Variants in ITPRID1 observed in about 807,000 individuals in gnomAD.
The protein encoded by ITPRID1 is ITPR interacting domain containing 1.
ITPRID1 carries 96 observed loss-of-function variants against 95.4 expected under a neutral mutation model. The ratio of observed to expected loss-of-function variants is 1.01; its 90% CI spans 0.85 to 1.19. ITPRID1 has a LOEUF of 1.19. ITPRID1 is among the 50% of genes most tolerant of loss of function. The pLI is 0.00. For synonymous variants in ITPRID1, 510 were observed against 453.6 expected (o/e 1.12, Z -1.58); for missense variants, 1,339 against 1,252.9 (o/e 1.07, Z -1.04).
rs35455387 is a variant in ITPRID1 at position 31,617,951 on chromosome 7, G to C, written c.1229-24225G>C. Among the ~76,000 whole-genome samples the C allele has an allele frequency of 6.3e-3, 954 of 152,312 alleles. 11 individuals are homozygous for C. Among genetic ancestry groups the C allele is most frequent in the Middle Eastern group, 0.037 (11 of 294 alleles). On this transcript the variant is annotated intron_variant, in intron 10 of 14. Transcript: ENST00000615280. Reference sequence around the variant, plus strand: ...CTATTTGTAGTAAAGAAAATGGTAGGAAATGCATTTTAGAAGCACACATAT... The same window carrying C: ...CTATTTGTAGTAAAGAAAATGGTAGCAAATGCATTTTAGAAGCACACATAT...
At chr7:31,598,183 A>C (rs527653820) in intron 10 of ITPRID1, among the ~76,000 whole-genome samples, 14 of 152,294 alleles carry the variant, frequency 9.2e-5, no homozygotes, top group African/African-American at 3.4e-4. Flanking sequence ...GGATACATTT[A>C]TGACCTCAGG....
At chr7:31,613,339 G>C (rs1786967387) in intron 10 of ITPRID1, among the ~76,000 whole-genome samples, 2 of 151,922 alleles carry the variant, frequency 1.3e-5, no homozygotes, top group South Asian at 4.2e-4. Flanking sequence ...TAATTTCTAG[G>C]GTTTTGAAAA....
chr7:31,641,954 A>C (rs1032610238), intron 10 of ITPRID1, among the ~76,000 whole-genome samples: 1 of 152,050 alleles, frequency 6.6e-6, no homozygotes, highest in Non-Finnish European at 1.5e-5. Flanking sequence ...CCTTCGTTTC[A>C]GGTTTTATTC....
chr7:31,591,096 G>C (rs532008817), intron 10 of ITPRID1, among the ~76,000 whole-genome samples: 2 of 152,306 alleles, frequency 1.3e-5, no homozygotes, highest in East Asian at 1.9e-4. Flanking sequence ...TGTGGAATGG[G>C]CTGTGCCTCC....
At chr7:31,618,942 G>C (rs1787533870) in intron 10 of ITPRID1, among the ~76,000 whole-genome samples, 1 of 152,226 alleles carries the variant, frequency 6.6e-6, no homozygotes. Context: ...TGTGTCGAGA[G>C]AGTAGGTGAC....
chr7:31,640,582 T>C (rs896826809), intron 10 of ITPRID1, among the ~76,000 whole-genome samples: 3 of 152,180 alleles, frequency 2.0e-5, no homozygotes, highest in African/African-American at 7.2e-5. Flanking sequence ...TTCAGATCAC[T>C]TGTTCCTGTT....
chr7:31,586,086 GGT>G (rs1785591854), intron 10 of ITPRID1, among the ~76,000 whole-genome samples: 1 of 141,716 alleles, frequency 7.1e-6, no homozygotes, highest in East Asian at 2.0e-4. Flanking sequence ...GAGAATATGC[GGT>G]GTTTGGTTTT....
intron 10 of ITPRID1, among the ~76,000 whole-genome samples, chr7:31,627,492 T>C (rs895183521): frequency 8.6e-5 from 13 of 151,680 alleles, no homozygotes; most frequent in Admixed American, 8.5e-4. Context: ...ACCCCATCTC[T>C]ACAAAAAAAT....
intron 10 of ITPRID1, among the ~76,000 whole-genome samples, chr7:31,631,881 T>C (rs564643489): frequency 9.8e-5 from 15 of 152,304 alleles, no homozygotes; most frequent in Non-Finnish European, 1.9e-4. Flanking sequence ...TTTTCAGTCT[T>C]TCTTCGGTTT....
intron 1 of ITPRID1, chr7:31,529,684 C>T (rs1031512230): frequency 3.4e-6 from 4 of 1,181,858 alleles, no homozygotes; most frequent in African/African-American, 1.5e-5. Flanking sequence ...CATAGTTCTG[C>T]AGTCACAAGG....
chr7:31,625,052 G>A (rs1312179741), intron 10 of ITPRID1, among the ~76,000 whole-genome samples: 4 of 152,166 alleles, frequency 2.6e-5, no homozygotes, highest in African/African-American at 7.2e-5. Flanking sequence ...TCAGAGAAAT[G>A]CAAATCAAAA....
intron 1 of ITPRID1, among the ~76,000 whole-genome samples, chr7:31,519,636 A>C (rs1402795239): frequency 3.9e-5 from 5 of 127,920 alleles, no homozygotes; most frequent in South Asian, 5.4e-4. Flanking sequence ...ATATATATAT[A>C]TATATATATA....
intron 10 of ITPRID1, among the ~76,000 whole-genome samples, chr7:31,596,093 AT>A (rs776457894): frequency 6.6e-6 from 1 of 151,440 alleles, no homozygotes; most frequent in Non-Finnish European, 1.5e-5. Flanking sequence ...GTGTTATCAA[AT>A]TTTATATTGA....
At chr7:31,599,291 AAATT>A (rs1786242617) in intron 10 of ITPRID1, among the ~76,000 whole-genome samples, 1 of 152,232 alleles carries the variant, frequency 6.6e-6, no homozygotes, top group Non-Finnish European at 1.5e-5. Flanking sequence ...AGTTGGGGGT[AAATT>A]AATCGTAGTT....
rs140607864 is a variant in ITPRID1 at position 31,640,999 on chromosome 7, C to T, written c.1229-1177C>T. Among the ~76,000 whole-genome samples the T allele has an allele frequency of 2.6e-5, 4 of 152,230 alleles. No homozygotes were observed. The East Asian group carries it at 7.7e-4, about 29-fold the overall frequency. On this transcript the variant is annotated intron_variant, in intron 10 of 14. Coordinates refer to ENST00000615280, the MANE Select transcript of ITPRID1 (RefSeq NM_001257967.3). ...GCCATTACTTTCTCTTGACTTTGGC[C>T]TCAGGCTGAGGTAGCTGGGGTTTGG...
intron 10 of ITPRID1, among the ~76,000 whole-genome samples, chr7:31,614,456 G>A (rs968689817): frequency 4.6e-5 from 7 of 152,096 alleles, no homozygotes; most frequent in African/African-American, 1.7e-4. Context: ...CCCATTATGT[G>A]TCCAGGGCTT....
chr7:31,598,749 A>G (rs1164436472), intron 10 of ITPRID1, among the ~76,000 whole-genome samples: 1 of 152,324 alleles, frequency 6.6e-6, no homozygotes, highest in Non-Finnish European at 1.5e-5. Context: ...GTAAATGACC[A>G]TATAAAACTG....
At chr7:31,531,373 A>T (rs10246647) in intron 1 of ITPRID1, among the ~76,000 whole-genome samples, 88,475 of 151,670 alleles carry the variant, frequency 0.58, 26,941 homozygotes, top group Middle Eastern at 0.71. Context: ...TTATAAGAAT[A>T]ATTCATGAAC....
chr7:31,515,376 G>A lies in ITPRID1; in HGVS notation c.-98+1256G>A, dbSNP rs143594043. 3.4e-3 allele frequency among the ~76,000 whole-genome samples: 518 copies of A among 151,930 alleles called. 1 individual carries two copies. Among genetic ancestry groups the A allele is most frequent in the Non-Finnish European group, 4.6e-3 (315 of 67,976 alleles). On this transcript the variant is annotated intron_variant, in intron 1 of 14. Transcript: ENST00000615280. Reference sequence around the variant, plus strand: ...AGCCACTAAAAATAAGTCAAATGGAGACCAGCCTGACCAACATGGAGAAAC... The same window carrying A: ...AGCCACTAAAAATAAGTCAAATGGAAACCAGCCTGACCAACATGGAGAAAC...
Sources: gnomAD v4.1 joint callset for allele counts (sites outside exome capture counted in the v4.1 genomes callset) on GRCh38, gnomAD v4.1.1 for gene constraint, MANE v1.5 for transcripts, NCBI Gene and HGNC (gene_info 2026-07-23, HGNC 2026-07-21) for gene names.